Variants in DAAM1 observed in about 807,000 individuals in gnomAD.
DAAM1 encodes disheveled-associated activator of morphogenesis 1.
Under a neutral mutation model 130.0 loss-of-function variants are expected in DAAM1, and 52 were observed. That is an observed-to-expected ratio of 0.40 (90% CI 0.32 to 0.50). DAAM1 has a LOEUF of 0.50. Ranked by LOEUF, DAAM1 falls within the 20% of genes least tolerant of loss-of-function variation. The probability of loss-of-function intolerance (pLI) is 0.61; values close to 1 mark genes in which losing one functional copy is unlikely to be tolerated. For synonymous variants in DAAM1, 452 were observed against 444.5 expected, an observed-to-expected ratio of 1.02 and a Z score of -0.21; for missense variants, 1,134 against 1,303.8, an observed-to-expected ratio of 0.87 and a Z score of 2.01.
chr14:59,352,811 G>A (rs1886336447), intron 18 of DAAM1, among the ~76,000 whole-genome samples, 179 bp downstream of exon 18: 1 of 152,042 alleles, frequency 6.6e-6, no homozygotes, highest in Non-Finnish European at 1.5e-5. Flanking sequence ...GTCACTTCTT[G>A]TCTATGGATG....
At chr14:59,255,931 C>G (rs1305952567) in intron 1 of DAAM1, among the ~76,000 whole-genome samples, 3 of 152,182 alleles carry the variant, frequency 2.0e-5, no homozygotes, top group Non-Finnish European at 4.4e-5. Context: ...CAACTTCTAA[C>G]CAAGTTGGTG....
At chr14:59,238,526 G>C (rs1889374840) in intron 1 of DAAM1, among the ~76,000 whole-genome samples, 1 of 152,172 alleles carries the variant, frequency 6.6e-6, no homozygotes, top group Non-Finnish European at 1.5e-5. Flanking sequence ...GATAGCATCA[G>C]TTCCTCCTTC....
At chr14:59,348,574 G>A (rs1249133746) in intron 17 of DAAM1, among the ~76,000 whole-genome samples, 1 of 152,172 alleles carries the variant, frequency 6.6e-6, no homozygotes, top group African/African-American at 2.4e-5. Flanking sequence ...ACGTTTGTTA[G>A]AGCCAGGTCT....
chr14:59,320,537 T>C lies in DAAM1; in HGVS notation c.393T>C (p.Ser131=). The change falls in exon 5 of 25, where the codon AGT becomes AGC. Residue 131 remains serine (S), a synonymous_variant. Coordinates refer to ENST00000360909, the MANE Select transcript of DAAM1 (RefSeq NM_001270520.2). ...ALEKEEEEER[S]KTIESLKTAL... ...AGAAGGAAGAAGAAGAAGAAAGAAG[T>C]AAAACTATAGAGAGTTTAAAGACAG... 1 of 1,606,470 alleles carries C rather than the reference T, an allele frequency of 6.2e-7. No individual in the cohort carries two copies. The highest frequency in any genetic ancestry group is 1.1e-5 in the South Asian group (1 of 89,254).
intron 1 of DAAM1, among the ~76,000 whole-genome samples, chr14:59,225,551 A>G (rs1479862664): frequency 6.6e-6 from 1 of 151,892 alleles, no homozygotes; most frequent in Admixed American, 6.6e-5. Flanking sequence ...CCTCCATCCT[A>G]CTCCATGAAT....
At chr14:59,316,129 G>A (rs1884783148) in intron 4 of DAAM1, among the ~76,000 whole-genome samples, 1 of 152,114 alleles carries the variant, frequency 6.6e-6, no homozygotes, top group Non-Finnish European at 1.5e-5. Context: ...GTTGCCCATA[G>A]TAGAATGCAG....
intron 16 of DAAM1, among the ~76,000 whole-genome samples, chr14:59,341,863 G>A (rs995677512): frequency 1.3e-5 from 2 of 152,080 alleles, no homozygotes; most frequent in East Asian, 1.9e-4. Context: ...TAAAACACTT[G>A]GTGAAGGGAG....
intron 1 of DAAM1, among the ~76,000 whole-genome samples, chr14:59,246,574 A>G (rs1000155494): frequency 2.6e-5 from 4 of 152,212 alleles, no homozygotes; most frequent in Admixed American, 6.5e-5. Flanking sequence ...TCCCAGAAGT[A>G]TGGTTGCTGG....
Position 59,325,988 on chromosome 14 carries a change from A to G in DAAM1, c.1085A>G (p.Gln362Arg). The change falls in exon 10 of 25, where the codon CAG (glutamine) becomes CGG (arginine). Residue 362 changes from glutamine (Q) to arginine (R), a missense_variant. Gln to Arg is a conservative substitution (Grantham distance 43). Coordinates refer to ENST00000360909, the MANE Select transcript of DAAM1 (RefSeq NM_001270520.2). ...CACATAGACACAAAAAGTGCAACTC[A>G]GATGTTTGAGCTGACCAGGAAGAGG... ...LVHIDTKSAT[Q>R]MFELTRKRLT... is the part of the protein sequence containing the mutation. The G allele has an allele frequency of 6.2e-7, 1 of 1,614,238 alleles. No homozygotes were observed. The highest frequency in any genetic ancestry group is 2.2e-5 in the East Asian group (1 of 44,870).
At chr14:59,302,645 T>A (rs1884217080) in intron 3 of DAAM1, among the ~76,000 whole-genome samples, 1 of 152,112 alleles carries the variant, frequency 6.6e-6, no homozygotes, top group African/African-American at 2.4e-5. Context: ...CCCCAAGTTA[T>A]TCTTTATTTT....
At chr14:59,356,261 C>T (rs571212960) in intron 20 of DAAM1, among the ~76,000 whole-genome samples, 3 of 152,190 alleles carry the variant, frequency 2.0e-5, no homozygotes, top group South Asian at 2.1e-4. Flanking sequence ...CTATAGGGTT[C>T]GTGAAGCATA....
intron 1 of DAAM1, among the ~76,000 whole-genome samples, chr14:59,209,693 A>G (rs546927391): frequency 6.6e-6 from 1 of 152,330 alleles, no homozygotes; most frequent in Admixed American, 6.5e-5. Context: ...AGGCTAAGCT[A>G]TAGTGTTCAG....
In DAAM1 at chr14:59,331,000, C is replaced by G. The variant is rs1305219426; in HGVS notation, c.1561-209C>G. Among the ~76,000 whole-genome samples, 6 of 152,226 alleles carry G rather than the reference C, an allele frequency of 3.9e-5. No homozygotes were observed. In the East Asian group the frequency reaches 1.2e-3, roughly 29 times the overall value. Reference sequence around the variant, plus strand: ...GAGAGAGATATGAATGCATCCCAGACAAGTACTTGAGTGTCAGGTACAAAA... The same window carrying G: ...GAGAGAGATATGAATGCATCCCAGAGAAGTACTTGAGTGTCAGGTACAAAA... On this transcript the variant is annotated intron_variant, in intron 13 of 24. Transcript: ENST00000360909.
Position 59,303,970 on chromosome 14 carries a change from C to G in DAAM1, c.274-11310C>G, listed in dbSNP as rs138958677. Among the ~76,000 whole-genome samples the G allele has an allele frequency of 8.5e-5, 13 of 152,186 alleles. No individual in the cohort carries two copies. In the East Asian group the frequency reaches 2.5e-3, roughly 29 times the overall value. On this transcript the variant is annotated intron_variant, in intron 3 of 24. Coordinates refer to ENST00000360909, the MANE Select transcript of DAAM1 (RefSeq NM_001270520.2). Reference sequence around the variant, plus strand: ...CCGTGACACATGATGGAGAATGTGGCTTATGTGGGAAATATTTGTTATCCC... The same window carrying G: ...CCGTGACACATGATGGAGAATGTGGGTTATGTGGGAAATATTTGTTATCCC...
At chr14:59,340,525 A>G (rs1885804135) in intron 16 of DAAM1, among the ~76,000 whole-genome samples, 1 of 152,252 alleles carries the variant, frequency 6.6e-6, no homozygotes, top group South Asian at 2.1e-4. Flanking sequence ...GCATTGTCAC[A>G]GAATCAGGAC....
intron 3 of DAAM1, among the ~76,000 whole-genome samples, chr14:59,295,585 G>C (rs1275516017): frequency 1.3e-5 from 2 of 152,206 alleles, no homozygotes; most frequent in East Asian, 3.8e-4. Flanking sequence ...TTCCTGGAGA[G>C]CTGAAGCCCT....
At chr14:59,332,619 G>A (rs1885486862) in intron 15 of DAAM1, among the ~76,000 whole-genome samples, 1 of 152,184 alleles carries the variant, frequency 6.6e-6, no homozygotes, top group African/African-American at 2.4e-5. Flanking sequence ...CATCTGTGTG[G>A]TACCTCTTGT....
intron 1 of DAAM1, among the ~76,000 whole-genome samples, chr14:59,196,931 TC>T (rs1466500480): frequency 1.3e-5 from 2 of 152,018 alleles, no homozygotes; most frequent in African/African-American, 4.8e-5. Context: ...AATTCTTTTT[TC>T]TTTTTTGAGA....
chr14:59,363,833 G>A (rs762498342), intron 23 of DAAM1, 51 bp downstream of exon 23: 12 of 1,605,330 alleles, frequency 7.5e-6, no homozygotes, highest in Non-Finnish European at 1.0e-5. Flanking sequence ...CTGGGCTTCA[G>A]TGTGATACTT....
Sources: allele counts gnomAD v4.1 joint callset (sites outside exome capture counted in the v4.1 genomes callset), GRCh38; gene constraint gnomAD v4.1.1; transcripts MANE v1.5; gene names NCBI Gene and HGNC (gene_info 2026-07-23, HGNC 2026-07-21).